COMMD1: variants seen among roughly 807,000 people sequenced by gnomAD.
The protein encoded by COMMD1 is copper metabolism domain containing 1.
A neutral mutation model predicts 17.2 loss-of-function variants in COMMD1; 10 were observed. That is an observed-to-expected ratio of 0.58 (90% CI 0.36 to 0.99). The LOEUF (loss-of-function observed/expected upper bound fraction) is 0.99, where lower values mean the gene tolerates loss of function less well. COMMD1 is among the 50% of genes least tolerant of loss of function. The pLI, the probability that COMMD1 is intolerant of heterozygous loss-of-function variation, is 0.01. For missense variants in COMMD1, 270 were observed against 231.8 expected (o/e 1.17, Z -1.07); for synonymous variants, 97 against 91.6 (o/e 1.06, Z -0.34).
intron 2 of COMMD1, among the ~76,000 whole-genome samples, chr2:62,109,648 T>C (rs1217432104): frequency 6.6e-6 from 1 of 152,208 alleles, no homozygotes; most frequent in Non-Finnish European, 1.5e-5. Context: ...TTCAGTCTTC[T>C]GATTTGTGGT....
At chr2:62,072,570 G>A (rs989931041) in intron 2 of COMMD1, among the ~76,000 whole-genome samples, 7 of 152,192 alleles carry the variant, frequency 4.6e-5, no homozygotes, top group South Asian at 2.1e-4. Flanking sequence ...GGGACGTGCC[G>A]AAGGGTGGGT....
chr2:62,115,752 T>C (rs916355774), intron 2 of COMMD1, among the ~76,000 whole-genome samples: 1 of 151,824 alleles, frequency 6.6e-6, no homozygotes, highest in Non-Finnish European at 1.5e-5. Context: ...AAAGCAAATA[T>C]AGTAAAATGT....
At chr2:61,912,775 G>A (rs1454900320) in intron 1 of COMMD1, among the ~76,000 whole-genome samples, 3 of 151,534 alleles carry the variant, frequency 2.0e-5, no homozygotes, top group African/African-American at 7.3e-5. Flanking sequence ...ATGACTACAT[G>A]CTCATTTACT....
intron 1 of COMMD1, among the ~76,000 whole-genome samples, chr2:61,963,170 AT>A (rs769738653): frequency 1.6e-3 from 196 of 123,264 alleles, no homozygotes; most frequent in East Asian, 5.8e-3. Flanking sequence ...AAAAAAAAAA[AT>A]ATATATATAT....
intron 1 of COMMD1, among the ~76,000 whole-genome samples, chr2:61,908,602 C>A (rs1296955655): frequency 6.6e-6 from 1 of 151,848 alleles, no homozygotes; most frequent in African/African-American, 2.4e-5. Flanking sequence ...GCTTTGTTGC[C>A]CAGGCCAGAG....
At chr2:61,966,159 C>T (rs571688337) in intron 1 of COMMD1, among the ~76,000 whole-genome samples, 1 of 152,296 alleles carries the variant, frequency 6.6e-6, no homozygotes, top group African/African-American at 2.4e-5. Flanking sequence ...AAATCTAATA[C>T]ACTGTGTACT....
chr2:61,921,518 A>G (rs891191836), intron 1 of COMMD1, among the ~76,000 whole-genome samples: 1 of 152,028 alleles, frequency 6.6e-6, no homozygotes, highest in Non-Finnish European at 1.5e-5. Context: ...ATTTCTGCTC[A>G]CTGCAAGCTC....
intron 1 of COMMD1, among the ~76,000 whole-genome samples, chr2:61,978,544 A>G (rs535894750): frequency 3.9e-4 from 60 of 152,150 alleles, no homozygotes; most frequent in Non-Finnish European, 7.5e-4. Context: ...TTAAAATAAC[A>G]GTCATTTTGC....
chr2:62,090,441 T>C (rs959706452), intron 2 of COMMD1, among the ~76,000 whole-genome samples: 6 of 152,190 alleles, frequency 3.9e-5, no homozygotes, highest in Non-Finnish European at 7.4e-5. Flanking sequence ...ACATTTAATG[T>C]CTCTTCTGGC....
chr2:62,127,417 AAG>A (rs1453781284), intron 2 of COMMD1, among the ~76,000 whole-genome samples: 1 of 152,234 alleles, frequency 6.6e-6, no homozygotes, highest in African/African-American at 2.4e-5. Flanking sequence ...TTGCATAACC[AAG>A]ACAATCCTAA....
chr2:61,930,488 G>A (rs868046008), intron 1 of COMMD1, among the ~76,000 whole-genome samples: 24 of 152,220 alleles, frequency 1.6e-4, no homozygotes, highest in Middle Eastern at 6.8e-3. Flanking sequence ...CCTGTGAGGC[G>A]GAGGTTGCAG....
At chr2:62,115,360 T>G (rs766098394) in intron 2 of COMMD1, among the ~76,000 whole-genome samples, 2 of 152,246 alleles carry the variant, frequency 1.3e-5, no homozygotes, top group African/African-American at 2.4e-5. Flanking sequence ...TTCCACTGAT[T>G]CAGAGGAGGG....
intron 2 of COMMD1, among the ~76,000 whole-genome samples, chr2:62,009,609 A>G (rs1469079784): frequency 6.6e-6 from 1 of 151,752 alleles, no homozygotes; most frequent in African/African-American, 2.4e-5. Flanking sequence ...CTCAAAAAAA[A>G]AAAAAAAAAG....
chr2:62,020,670 C>T (rs973086055), intron 2 of COMMD1, among the ~76,000 whole-genome samples: 3 of 152,128 alleles, frequency 2.0e-5, no homozygotes, highest in Non-Finnish European at 2.9e-5. Flanking sequence ...CTTGAAATTC[C>T]GCTGAGAGGC....
chr2:62,045,539 T>G (rs1670356249), intron 2 of COMMD1, among the ~76,000 whole-genome samples: 1 of 151,572 alleles, frequency 6.6e-6, no homozygotes, highest in African/African-American at 2.4e-5. Context: ...GGGACTATTA[T>G]CATGCTTACT....
chr2:61,905,866 T>A lies in COMMD1; in HGVS notation c.180+8T>A. On this transcript the variant is annotated splice_region_variant and intron_variant, in intron 1 of 2. Coordinates refer to ENST00000311832, the MANE Select transcript of COMMD1 (RefSeq NM_152516.4). ...ATGAGGGGGATTCTTAAGGTACTGC[T>A]CTTTTCTGTAGTCTCCGGCTTGGAG... is the stretch of plus-strand genomic sequence containing the variant. 1 of 1,614,110 alleles carries A rather than the reference T, an allele frequency of 6.2e-7. No individual in the cohort carries two copies. Among genetic ancestry groups the A allele is most frequent in the East Asian group, 2.2e-5 (1 of 44,878 alleles).
At chr2:62,080,202 C>T (rs568757133) in intron 2 of COMMD1, among the ~76,000 whole-genome samples, 2 of 152,082 alleles carry the variant, frequency 1.3e-5, no homozygotes, top group East Asian at 3.9e-4. Flanking sequence ...CCTGTAATCC[C>T]AGTACTTTGG....
chr2:61,888,623 G>C, upstream of COMMD1: 1 of 1,303,516 alleles, frequency 7.7e-7, no homozygotes, highest in Admixed American at 2.8e-5. Context: ...CCAGAAAGCG[G>C]CGCCGGCGTC....
intron 1 of COMMD1, among the ~76,000 whole-genome samples, chr2:61,929,732 G>A (rs1322602580): frequency 3.3e-5 from 5 of 152,148 alleles, no homozygotes; most frequent in African/African-American, 1.2e-4. Flanking sequence ...AGGAGTTCAA[G>A]ACCAGCCTAA....
Sources: gnomAD v4.1 joint callset for allele counts (sites outside exome capture counted in the v4.1 genomes callset) on GRCh38, gnomAD v4.1.1 for gene constraint, MANE v1.5 for transcripts, NCBI Gene and HGNC (gene_info 2026-07-23, HGNC 2026-07-21) for gene names.